The following ARNT variants were observed in gnomAD, a reference collection of about 807,000 sequenced individuals.
ARNT encodes the protein class E basic helix-loop-helix protein 2.
In ARNT, 30 loss-of-function variants were observed where a neutral mutation model predicts 105.0. The observed-to-expected ratio is 0.29, with a 90% CI of 0.21 to 0.39. The LOEUF (loss-of-function observed/expected upper bound fraction) is 0.39. Among genes scored for constraint, ARNT ranks in the 10% least tolerant of loss-of-function variants. ARNT has a pLI of 1.00. For synonymous variants in ARNT, 304 were observed against 344.0 expected, an observed-to-expected ratio of 0.88 and a Z score of 1.29; for missense variants, 748 against 978.7, an observed-to-expected ratio of 0.76 and a Z score of 3.15.
chr1:150,814,513 TAA>T, intron 19 of ARNT, among the ~76,000 whole-genome samples: 1 of 152,320 alleles, frequency 6.6e-6, no homozygotes, highest in Admixed American at 6.5e-5. Flanking sequence ...TGAAGTTATA[TAA>T]AACTAGAGGC....
At chr1:150,851,771 T>G (rs907263645) in intron 3 of ARNT, among the ~76,000 whole-genome samples, 1 of 152,160 alleles carries the variant, frequency 6.6e-6, no homozygotes, top group Non-Finnish European at 1.5e-5. Context: ...TTTGTTCACT[T>G]GTTTATCTGC....
intron 2 of ARNT, 33 bp from the exon 3 acceptor site, chr1:150,852,839 T>G: frequency 6.2e-7 from 1 of 1,613,130 alleles, no homozygotes; most frequent in Non-Finnish European, 8.5e-7. Flanking sequence ...ACTTTAAGCC[T>G]GCTGATAATA....
intron 1 of ARNT, among the ~76,000 whole-genome samples, chr1:150,868,846 C>T (rs1390373178): frequency 2.0e-5 from 3 of 151,356 alleles, no homozygotes; most frequent in East Asian, 2.0e-4. Flanking sequence ...TGCAGTGAGC[C>T]GAGATCACGC....
chr1:150,869,613 A>G (rs1343267247), intron 1 of ARNT, among the ~76,000 whole-genome samples: 1 of 150,644 alleles, frequency 6.6e-6, no homozygotes, highest in Admixed American at 6.6e-5. Flanking sequence ...TGGCATGATC[A>G]TGGCTCACTG....
intron 10 of ARNT, 182 bp downstream of exon 10, chr1:150,831,633 TCTC>T (rs1557882261): frequency 5.5e-6 from 3 of 545,024 alleles, no homozygotes; most frequent in East Asian, 3.3e-5. Context: ...GAGTTATCTA[TCTC>T]CTCAACTGGA....
chr1:150,810,646 A>G lies in ARNT; in HGVS notation c.*1375T>C, dbSNP rs587612751. The G allele has an allele frequency of 4.6e-6, 1 of 215,586 alleles. No homozygotes were observed. The highest frequency in any genetic ancestry group is 5.8e-5 in the Admixed American group (1 of 17,134). 13.4% of individuals were successfully genotyped at this position (215,586 alleles called of 1,614,324 possible). ...CAAAGCCAATTTAAAAAAAAAAAAA[A>G]AAAAGCTGGTATCTACGACTGTTAC... is the stretch of plus-strand genomic sequence containing the variant. On this transcript the variant is annotated 3_prime_UTR_variant, in exon 22 of 22. Transcript: ENST00000358595.
chr1:150,822,433 C>T (rs1372305344), intron 14 of ARNT, among the ~76,000 whole-genome samples: 5 of 152,194 alleles, frequency 3.3e-5, no homozygotes, highest in African/African-American at 1.2e-4. Flanking sequence ...AAGTTGATTA[C>T]CAATGGCCAA....
chr1:150,830,295 G>A (rs781261103), intron 10 of ARNT: 2 of 244,582 alleles, frequency 8.2e-6, no homozygotes, highest in East Asian at 9.5e-5. Flanking sequence ...GCAGTGAGCC[G>A]AGATCGCACT....
chr1:150,875,970 T>C (rs1198401234), intron 1 of ARNT, among the ~76,000 whole-genome samples: 1 of 152,074 alleles, frequency 6.6e-6, no homozygotes, highest in Non-Finnish European at 1.5e-5. Flanking sequence ...CAAAGTATAG[T>C]CCGGGGACGG....
chr1:150,817,863 G>A, intron 15 of ARNT, 57 bp downstream of exon 15: 1 of 1,300,954 alleles, frequency 7.7e-7, no homozygotes, highest in Non-Finnish European at 1.1e-6. Context: ...ATATGGGATT[G>A]CAAATGACCA....
At chr1:150,860,218 C>CTTTTTTTTTTT (rs756996050) in intron 1 of ARNT, among the ~76,000 whole-genome samples, 4 of 113,000 alleles carry the variant, frequency 3.5e-5, no homozygotes, top group African/African-American at 6.9e-5. Flanking sequence ...AAAAAAAATT[C>CTTTTTTTTTTT]TTTTTTTTTT....
intron 4 of ARNT, among the ~76,000 whole-genome samples, chr1:150,843,930 T>C (rs1661709195): frequency 6.6e-6 from 1 of 152,202 alleles, no homozygotes; most frequent in African/African-American, 2.4e-5. Context: ...AAATTCCTAT[T>C]TCTACTACTA....
At chr1:150,876,473 T>TG in intron 1 of ARNT, 70 bp downstream of exon 1, 1 of 1,469,464 alleles carries the variant, frequency 6.8e-7, no homozygotes, top group South Asian at 1.2e-5. Context: ...CCCTCAGCCC[T>TG]GGGTCTCCTT....
intron 14 of ARNT, among the ~76,000 whole-genome samples, chr1:150,821,828 C>CTTTTTTTT (rs367766946): frequency 8.7e-6 from 1 of 114,910 alleles, no homozygotes; most frequent in Non-Finnish European, 1.7e-5. Flanking sequence ...TTTGTATTTT[C>CTTTTTTTT]TTTTTTTTTT....
chr1:150,871,647 C>T (rs1299527308), intron 1 of ARNT, among the ~76,000 whole-genome samples: 2 of 147,232 alleles, frequency 1.4e-5, no homozygotes, highest in East Asian at 2.1e-4. Flanking sequence ...TGGCGGCTCA[C>T]GCCTGTAATC....
chr1:150,828,189 T>C (rs947239843), intron 12 of ARNT, among the ~76,000 whole-genome samples: 2 of 152,120 alleles, frequency 1.3e-5, no homozygotes, highest in African/African-American at 2.4e-5. Flanking sequence ...ATCATGCTTT[T>C]AGTGTAAGAA....
At chr1:150,858,612 C>A in intron 1 of ARNT, 152 bp from the exon 2 acceptor site, 7 of 531,936 alleles carry the variant, frequency 1.3e-5, no homozygotes, top group Non-Finnish European at 2.3e-5. Context: ...GATTGCTCTT[C>A]TTGATTTTTT....
intron 13 of ARNT, among the ~76,000 whole-genome samples, chr1:150,824,144 G>A (rs902322956): frequency 2.0e-5 from 3 of 151,618 alleles, no homozygotes; most frequent in Non-Finnish European, 2.9e-5. Context: ...CCCGGCCAGA[G>A]ACTCAAGCTT....
At chr1:150,876,433 C>A in intron 1 of ARNT, 110 bp downstream of exon 1, 1 of 1,502,950 alleles carries the variant, frequency 6.7e-7, no homozygotes, top group South Asian at 1.3e-5. Flanking sequence ...GCCCCCGCCC[C>A]GCCCCGGCGC....
Sources: gnomAD v4.1 joint callset for allele counts (sites outside exome capture counted in the v4.1 genomes callset) on GRCh38, gnomAD v4.1.1 for gene constraint, MANE v1.5 for transcripts, NCBI Gene and HGNC (gene_info 2026-07-23, HGNC 2026-07-21) for gene names.